Variants in DST observed in about 807,000 individuals in gnomAD.
The protein encoded by DST is bullous pemphigoid antigen.
DST carries 253 observed loss-of-function variants against 875.2 expected under a neutral mutation model. The ratio of observed to expected loss-of-function variants is 0.29; its 90% confidence interval spans 0.26 to 0.32. The LOEUF (loss-of-function observed/expected upper bound fraction) is 0.32. DST is among the 10% of genes least tolerant of loss of function. The pLI is 1.00. For synonymous variants in DST, 3,124 were observed against 3,197.1 expected (o/e 0.98, Z 0.77); for missense variants, 8,287 against 9,111.6 (o/e 0.91, Z 3.68).
chr6:56,806,940 T>C (rs35251663), intron 4 of DST, among the ~76,000 whole-genome samples: 1 of 152,056 alleles, frequency 6.6e-6, no homozygotes, highest in African/African-American at 2.4e-5. Context: ...CTATATAATA[T>C]ACCTATAGCT....
chr6:56,557,539 C>T, intron 58 of DST, 21 bp from the exon 59 acceptor site: 1 of 1,576,646 alleles, frequency 6.3e-7, no homozygotes, highest in South Asian at 1.1e-5. Context: ...AAAAATGAAA[C>T]TGGTGTTTGA....
intron 27 of DST, among the ~76,000 whole-genome samples, chr6:56,633,895 C>G (rs1391927034): frequency 6.6e-6 from 1 of 152,212 alleles, no homozygotes; most frequent in Admixed American, 6.5e-5. Flanking sequence ...CAACTACATT[C>G]TGCCTCCCTA....
intron 102 of DST, chr6:56,462,061 C>T (rs1228972782): frequency 6.6e-6 from 1 of 152,184 alleles, no homozygotes; most frequent in Non-Finnish European, 1.5e-5. Flanking sequence ...TTTTGAAAAG[C>T]ATAAGAGGGC....
chr6:56,479,753 A>AT, intron 90 of DST, among the ~76,000 whole-genome samples: 1 of 152,200 alleles, frequency 6.6e-6, no homozygotes, highest in East Asian at 1.9e-4. Context: ...AGATGGAAAT[A>AT]ATAGACACTG....
intron 3 of DST, among the ~76,000 whole-genome samples, chr6:56,897,176 C>T (rs1014581152): frequency 6.6e-6 from 1 of 152,004 alleles, no homozygotes; most frequent in African/African-American, 2.4e-5. Flanking sequence ...CATTCTCCTA[C>T]ATGTGGCTAG....
intron 36 of DST, chr6:56,615,627 A>G (rs1216875806): frequency 1.2e-6 from 2 of 1,614,088 alleles, no homozygotes; most frequent in Non-Finnish European, 1.7e-6. Flanking sequence ...GCTTCTTTAT[A>G]TGTCAACTTT....
chr6:56,908,476 C>G (rs1379367030), intron 2 of DST, among the ~76,000 whole-genome samples: 1 of 152,156 alleles, frequency 6.6e-6, no homozygotes, highest in Non-Finnish European at 1.5e-5. Context: ...CACCAAAAGT[C>G]ATCATAGATT....
chr6:56,554,116 G>A (rs1218574734), intron 60 of DST, among the ~76,000 whole-genome samples: 4 of 114,948 alleles, frequency 3.5e-5, no homozygotes, highest in African/African-American at 1.4e-4. Flanking sequence ...GCAGAGTCTC[G>A]CTCTGTCACC....
intron 3 of DST, among the ~76,000 whole-genome samples, chr6:56,867,043 C>G (rs895037252): frequency 6.6e-6 from 1 of 152,124 alleles, no homozygotes; most frequent in Non-Finnish European, 1.5e-5. Flanking sequence ...GTCTCACAAC[C>G]CACAGTTAAA....
Position 56,617,066 on chromosome 6 carries a change from G to A in DST, c.4930-2582C>T, listed in dbSNP as rs115983672. On this transcript the variant is annotated intron_variant, in intron 36 of 103. Transcript: ENST00000680361. ...AAGCCCTGCAATTGAGGTGGCTTTC[G>A]TCAGAAACTTGTTAAGAGTTTTCTG... is the stretch of plus-strand genomic sequence containing the variant. 1.1e-3 allele frequency: 1,816 copies of A among 1,613,976 alleles called. 2 individuals are homozygous for A. The highest frequency in any genetic ancestry group is 4.0e-3 in the Middle Eastern group (24 of 6,062).
intron 3 of DST, among the ~76,000 whole-genome samples, chr6:56,879,862 T>C (rs949424250): frequency 6.6e-6 from 1 of 152,216 alleles, no homozygotes; most frequent in African/African-American, 2.4e-5. Context: ...TTAGGCTGTA[T>C]AGTTCCAGAA....
intron 50 of DST, among the ~76,000 whole-genome samples, chr6:56,577,859 T>C (rs574108099): frequency 6.6e-6 from 1 of 152,314 alleles, no homozygotes; most frequent in Non-Finnish European, 1.5e-5. Context: ...ATAAACTAAA[T>C]ACTGTGGTTA....
intron 3 of DST, chr6:56,851,985 A>G (rs918655897): frequency 2.1e-6 from 3 of 1,450,196 alleles, no homozygotes; most frequent in African/African-American, 2.9e-5. Context: ...GACAGTAGAA[A>G]TATTTTCCAT....
intron 61 of DST, among the ~76,000 whole-genome samples, chr6:56,546,347 CAT>C (rs10617867): frequency 0.087 from 6,257 of 72,310 alleles, 209 homozygotes; most frequent in Admixed American, 0.11. Flanking sequence ...ATACATATTT[CAT>C]ATATATATAT....
chr6:56,872,819 G>T, intron 3 of DST, among the ~76,000 whole-genome samples: 2 of 129,912 alleles, frequency 1.5e-5, no homozygotes, highest in African/African-American at 3.4e-5. Flanking sequence ...TCAATACACT[G>T]ATTCCCCCCC....
intron 73 of DST, 32 bp from the exon 74 acceptor site, chr6:56,509,905 A>G (rs1376539332): frequency 6.8e-7 from 1 of 1,475,690 alleles, no homozygotes; most frequent in Non-Finnish European, 9.2e-7. Flanking sequence ...CTTTTATGGA[A>G]AAAAGATCTG....
In DST at chr6:56,834,230, T is replaced by TA. The variant is rs527813637; in HGVS notation, c.625+17166dup. On this transcript the variant is annotated intron_variant, in intron 4 of 103. Coordinates refer to ENST00000680361, the MANE Select transcript of DST (RefSeq NM_001374736.1). ...GACAGAGTGAGACCATGTCTCAAAATAAAAAATGCTTAAAAAGCGGGCAAA... is the reference window on the plus strand; with the variant it reads ...GACAGAGTGAGACCATGTCTCAAAATAAAAAAATGCTTAAAAAGCGGGCAAA... 4.0e-5 allele frequency among the ~76,000 whole-genome samples: 6 copies of TA among 151,674 alleles called. 1 individual carries two copies. The South Asian group carries it at 1.0e-3, about 26-fold the overall frequency.
At chr6:56,640,747 G>C in intron 17 of DST, 142 bp from the exon 18 acceptor site, 1 of 714,322 alleles carries the variant, frequency 1.4e-6, no homozygotes, top group Non-Finnish European at 2.5e-6. Context: ...CCACACTAAT[G>C]CAAGATGTAA....
intron 3 of DST, among the ~76,000 whole-genome samples, chr6:56,879,296 C>T (rs1187441190): frequency 6.6e-6 from 1 of 151,850 alleles, no homozygotes; most frequent in Non-Finnish European, 1.5e-5. Context: ...GTGAAACCCC[C>T]GTCTCTACTA....
Sources: allele counts gnomAD v4.1 joint callset (sites outside exome capture counted in the v4.1 genomes callset), GRCh38; gene constraint gnomAD v4.1.1; transcripts MANE v1.5; gene names NCBI Gene and HGNC (gene_info 2026-07-23, HGNC 2026-07-21).